The following METTL4 variants were observed in gnomAD, a reference collection of about 807,000 sequenced individuals.
The protein encoded by METTL4 is N(6)-adenine-specific methyltransferase METTL4.
In METTL4, 40 loss-of-function variants were observed where a neutral mutation model predicts 54.0. The ratio of observed to expected loss-of-function variants is 0.74; its 90% CI spans 0.58 to 0.96. METTL4 has a LOEUF of 0.96. METTL4 is among the 50% of genes least tolerant of loss of function. The probability of loss-of-function intolerance (pLI) is 0.00; values close to 1 mark genes in which losing one functional copy is unlikely to be tolerated. For synonymous variants in METTL4, 169 were observed against 183.8 expected (o/e 0.92, Z 0.65); for missense variants, 525 against 549.0 (o/e 0.96, Z 0.44).
intron 3 of METTL4, among the ~76,000 whole-genome samples, chr18:2,562,885 G>T (rs1427297326): frequency 6.6e-6 from 1 of 151,852 alleles, no homozygotes; most frequent in African/African-American, 2.4e-5. Context: ...TAATGCCGCA[G>T]AATTTTACAC....
rs1242998979 is a variant in METTL4 at position 2,538,342 on chromosome 18, A to C, written c.*658T>G. Reference sequence around the variant, plus strand: ...AAATGCTGTATAAACTCAGTATACTAATGCAGTATTTGGCAGATCTTTGAA... The same window carrying C: ...AAATGCTGTATAAACTCAGTATACTCATGCAGTATTTGGCAGATCTTTGAA... On this transcript the variant is annotated 3_prime_UTR_variant, in exon 9 of 9. Coordinates refer to ENST00000574538, the MANE Select transcript of METTL4 (RefSeq NM_022840.5). 2.5e-5 allele frequency: 4 copies of C among 158,948 alleles called. No homozygotes were observed. Among genetic ancestry groups the C allele is most frequent in the Non-Finnish European group, 5.5e-5 (4 of 72,768 alleles). The allele number at this position is 158,948 out of a possible 1,614,324, so 9.8% of individuals were successfully genotyped here.
At position 2,542,899 on chromosome 18, in the gene METTL4, G is replaced by A. The variant is rs759284927; in HGVS notation, c.1273+1296C>T. Among the ~76,000 whole-genome samples, 76 of 151,966 alleles carry A rather than the reference G, an allele frequency of 5.0e-4. 1 individual carries two copies. The highest frequency in any genetic ancestry group is 9.8e-4 in the Admixed American group (15 of 15,264). On this transcript the variant is annotated intron_variant, in intron 8 of 8. Coordinates refer to ENST00000574538, the MANE Select transcript of METTL4 (RefSeq NM_022840.5). ...TCCCAGCACTTTGGGAGGCCGAGGC[G>A]GGCGGATCACTTGAGGTCAGGAGTT...
At chr18:2,549,362 G>A (rs1461770547) in intron 5 of METTL4, among the ~76,000 whole-genome samples, 12 of 152,136 alleles carry the variant, frequency 7.9e-5, no homozygotes, top group African/African-American at 2.9e-4. Flanking sequence ...AAAAGAAGAT[G>A]AGAAAAGGAG....
Position 2,547,468 on chromosome 18 carries a change from T to A in METTL4, c.961A>T (p.Asn321Tyr). 1 of 1,611,876 alleles carries A rather than the reference T, an allele frequency of 6.2e-7. No individual in the cohort carries two copies. The highest frequency in any genetic ancestry group is 8.5e-7 in the Non-Finnish European group (1 of 1,178,936). Residue 321 changes from asparagine to tyrosine, a missense_variant, in exon 6 of 9, where the codon AAC (asparagine) becomes TAC (tyrosine). Transcript: ENST00000574538. ...GTCACCCAAGTAACAAGAAGACAGT[T>A]TGGAGCAGCCAATTTAGGGATAGGT... ...QIPIPKLAAP[N>Y]CLLVTWVTNR... is the part of the protein sequence containing the mutation.
chr18:2,557,110 G>T lies in METTL4; in HGVS notation c.460-2072C>A, dbSNP rs114045575. Among the ~76,000 whole-genome samples, 1,019 of 152,044 alleles carry T rather than the reference G, an allele frequency of 6.7e-3. 11 individuals carry two copies. The highest frequency in any genetic ancestry group is 0.023 in the African/African-American group (964 of 41,448). On this transcript the variant is annotated intron_variant, in intron 3 of 8. Coordinates refer to ENST00000574538, the MANE Select transcript of METTL4 (RefSeq NM_022840.5). ...AAAGGAAGAATCTGAGCAGAGCCTG[G>T]AAGAATCCCTGAGTTGAGGAGATGG...
At position 2,538,835 on chromosome 18, in the gene METTL4, T is replaced by G. The variant is rs1208457735; in HGVS notation, c.*165A>C. ...AGTGCAACTCAAGTAAAATTCATCT[T>G]AAAATTACATGAAGGCTAGTCACTT... On this transcript the variant is annotated 3_prime_UTR_variant, in exon 9 of 9. Transcript: ENST00000574538. 3.1e-6 allele frequency: 2 copies of G among 641,772 alleles called. No individual in the cohort carries two copies. Among genetic ancestry groups the G allele is most frequent in the South Asian group, 2.3e-5 (1 of 43,574 alleles). The allele number at this position is 641,772 out of a possible 1,614,324, so 39.8% of individuals were successfully genotyped here.
At chr18:2,561,771 T>C (rs2072322308) in intron 3 of METTL4, 1 of 152,204 alleles carries the variant, frequency 6.6e-6, no homozygotes, top group Admixed American at 6.5e-5. Flanking sequence ...ATTTAGCAAT[T>C]AGAATATACA....
chr18:2,553,487 T>C (rs2072192753), intron 4 of METTL4: 1 of 152,204 alleles, frequency 6.6e-6, no homozygotes. Context: ...GGTTAAAGTG[T>C]TGTCTGCTGA....
In METTL4 at chr18:2,558,973, G is replaced by A. The variant is rs544403591; in HGVS notation, c.460-3935C>T. 2.6e-4 allele frequency among the ~76,000 whole-genome samples: 39 copies of A among 152,168 alleles called. No individual in the cohort carries two copies. The South Asian group carries it at 3.9e-3, about 15-fold the overall frequency. Reference sequence around the variant, plus strand: ...AGCTATTATCAAAAACAAAAGTGTCGGCAAGGATGTGGAGAAACTGGAGCC... The same window carrying A: ...AGCTATTATCAAAAACAAAAGTGTCAGCAAGGATGTGGAGAAACTGGAGCC... On this transcript the variant is annotated intron_variant, in intron 3 of 8. Transcript: ENST00000574538.
At chr18:2,560,389 TA>T (rs2072299005) in intron 3 of METTL4, among the ~76,000 whole-genome samples, 1 of 152,228 alleles carries the variant, frequency 6.6e-6, no homozygotes, top group South Asian at 2.1e-4. Flanking sequence ...TTATCCCAAT[TA>T]TTTTTCTATT....
At chr18:2,541,980 AC>A (rs567070925) in intron 8 of METTL4, among the ~76,000 whole-genome samples, 9 of 152,284 alleles carry the variant, frequency 5.9e-5, no homozygotes, top group African/African-American at 2.2e-4. Flanking sequence ...ATATACAGTA[AC>A]ATGAACTCAA....
chr18:2,547,553 T>C (rs1315225557), intron 5 of METTL4, 24 bp from the exon 6 acceptor site: 1 of 1,536,788 alleles, frequency 6.5e-7, no homozygotes, highest in Non-Finnish European at 8.8e-7. Flanking sequence ...GAAAAAAGGA[T>C]GAGCAAAATT....
At chr18:2,542,952 AC>A (rs1428820669) in intron 8 of METTL4, among the ~76,000 whole-genome samples, 1 of 151,928 alleles carries the variant, frequency 6.6e-6, no homozygotes, top group East Asian at 1.9e-4. Flanking sequence ...ACATGGCGAA[AC>A]CCCGTCTCTA....
rs1057468893 is a variant in METTL4 at position 2,563,870 on chromosome 18, G to T, written c.397-11C>A. 6.2e-7 allele frequency: 1 copy of T among 1,600,180 alleles called. No homozygotes were observed. On this transcript the variant is annotated splice_polypyrimidine_tract_variant and intron_variant, in intron 2 of 8. Coordinates refer to ENST00000574538, the MANE Select transcript of METTL4 (RefSeq NM_022840.5). Reference sequence around the variant, plus strand: ...ACATCTTTTACGCTTCTAAAGGGTAGATCAATTACAGGGGAAAAGTTATGT... The same window carrying T: ...ACATCTTTTACGCTTCTAAAGGGTATATCAATTACAGGGGAAAAGTTATGT...
intron 5 of METTL4, among the ~76,000 whole-genome samples, chr18:2,549,701 G>C (rs373562653): frequency 2.6e-5 from 4 of 151,802 alleles, no homozygotes; most frequent in African/African-American, 9.7e-5. Context: ...AACAAATAGG[G>C]CTGGGTGTGG....
intron 3 of METTL4, chr18:2,562,198 C>G (rs1460396919): frequency 6.6e-6 from 1 of 152,384 alleles, no homozygotes; most frequent in Non-Finnish European, 1.5e-5. Flanking sequence ...ATAGTTAAGA[C>G]CTTATCTCTA....
rs535277348 is a variant in METTL4 at position 2,540,793 on chromosome 18, C to T, written c.1274-1648G>A. ...TTCACTTTAATGTGGTCTCAGGTTA[C>T]GCTGAAGAAAGGTTTTGTTTGTTTT... is the stretch of plus-strand genomic sequence containing the variant. On this transcript the variant is annotated intron_variant, in intron 8 of 8. Coordinates refer to ENST00000574538, the MANE Select transcript of METTL4 (RefSeq NM_022840.5). 2.3e-4 allele frequency: 223 copies of T among 985,402 alleles called. 1 individual carries two copies. The African/African-American group carries it at 3.5e-3, about 16-fold the overall frequency. 61.0% of individuals were successfully genotyped at this position (985,402 alleles called of 1,614,324 possible). A position where few individuals can be genotyped will look rare whatever the true frequency, so the allele number is the denominator to read the frequency against.
chr18:2,554,556 G>A lies in METTL4; in HGVS notation c.829+113C>T, dbSNP rs556990480. On this transcript the variant is annotated intron_variant, in intron 4 of 8. Transcript: ENST00000574538. ...AGAGACAAATAACCCAAGGAAAAGT[G>A]TCTACCCTATCCTCATAAATGCTGA... 1.5e-4 allele frequency: 144 copies of A among 932,122 alleles called. No homozygotes were observed. The African/African-American group carries it at 2.2e-3, about 14-fold the overall frequency. The allele number at this position is 932,122 out of a possible 1,614,324, so 57.7% of individuals were successfully genotyped here.
intron 8 of METTL4, chr18:2,539,848 A>AT (rs2071969006): frequency 5.8e-6 from 5 of 855,378 alleles, no homozygotes; most frequent in Non-Finnish European, 6.8e-6. Context: ...AAAACAACCC[A>AT]TTTAAAAAAA....
Sources: allele counts gnomAD v4.1 joint callset (sites outside exome capture counted in the v4.1 genomes callset), GRCh38; gene constraint gnomAD v4.1.1; transcripts MANE v1.5; gene names NCBI Gene and HGNC (gene_info 2026-07-23, HGNC 2026-07-21).